TTN: variants seen among roughly 807,000 people sequenced by gnomAD.
The protein encoded by TTN is titin, also known as connectin.
In TTN, 1,525 loss-of-function variants were observed where a neutral mutation model predicts 3,223.0. The observed-to-expected ratio is 0.47, with a 90% CI of 0.45 to 0.49. TTN has a LOEUF of 0.49. TTN is among the 20% of genes least tolerant of loss of function. TTN has a pLI of 0.00. For synonymous variants in TTN, 14,094 were observed against 15,161.0 expected (o/e 0.93, Z 5.17); for missense variants, 40,786 against 43,424.0 (o/e 0.94, Z 5.40).
In TTN at chr2:178,573,640, T is replaced by C. The variant is rs1265932438; in HGVS notation, c.72492A>G (p.Glu24164=). The change falls in exon 326 of 363, where the codon GAA becomes GAG. Residue 24164 remains glutamate (E), a synonymous_variant. Transcript: ENST00000589042. ...CATTTGTCCATGCCAATCTGCTGGT[T>C]TCACGTTTCTGTACTATGTAATGAT... The part of the protein sequence containing the change: ...KIDHYIVQKR[E]TSRLAWTNVA... 1 of 1,502,106 alleles carries C rather than the reference T, an allele frequency of 6.7e-7. No individual in the cohort carries two copies. Among genetic ancestry groups the C allele is most frequent in the African/African-American group, 1.4e-5 (1 of 71,580 alleles). 93.0% of individuals were successfully genotyped at this position (1,502,106 alleles called of 1,614,324 possible).
At chr2:178,686,713 T>G (rs911261291) in intron 127 of TTN, among the ~76,000 whole-genome samples, 1 of 152,138 alleles carries the variant, frequency 6.6e-6, no homozygotes, top group African/African-American at 2.4e-5. Flanking sequence ...CCATGCCTGG[T>G]CAAAGTTAAA....
chr2:178,664,886 A>G lies in TTN; in HGVS notation c.36084T>C (p.Val12028=). ...APQEIIPAKT[V]PSKKREPPSV... is the part of the protein sequence containing the mutation. ...ATGGGGGTTCTCTTTTTTTGGAAGG[A>G]ACTGTCTTGGCAGGAATAATTTCTT... Residue 12028 remains valine, a synonymous_variant, in exon 166 of 363, where the codon GTT becomes GTC. Transcript: ENST00000589042. 6.2e-7 allele frequency: 1 copy of G among 1,611,164 alleles called. No individual in the cohort carries two copies. Among genetic ancestry groups the G allele is most frequent in the Non-Finnish European group, 8.5e-7 (1 of 1,179,410 alleles).
chr2:178,580,212 C>T lies in TTN; in HGVS notation c.67075G>A (p.Val22359Ile), dbSNP rs2303838. The change falls in exon 318 of 363, where the codon GTC (valine) becomes ATC (isoleucine). Residue 22359 changes from valine to isoleucine, a missense_variant. Val to Ile is a conservative substitution (Grantham distance 29, BLOSUM62 3). Coordinates refer to ENST00000589042, the MANE Select transcript of TTN (RefSeq NM_001267550.2). Reference protein sequence around the residue: ...VKVLDTPGPPVNVTVKEISKD... With the variant: ...VKVLDTPGPPINVTVKEISKD... ...GATATTTCCTTAACAGTCACATTGA[C>T]AGGTGGCCCAGGAGTATCTGGATAA... is the stretch of plus-strand genomic sequence containing the variant. 326,033 of 1,612,158 alleles carry T rather than the reference C, an allele frequency of 0.2. 39,664 individuals are homozygous for T. Among genetic ancestry groups the T allele is most frequent in the East Asian group, 0.61 (27,413 of 44,644 alleles).
In TTN at chr2:178,583,115, A is replaced by T; in HGVS notation, c.65688T>A (p.Ser21896=). ...TTAGCAGTGTGCCATCTTTTTTCCAAGAAACTGTTGGCATCGGTTTACCAA... is the reference window on the plus strand; with the variant it reads ...TTAGCAGTGTGCCATCTTTTTTCCATGAAACTGTTGGCATCGGTTTACCAA... The part of the protein sequence containing the change: ...TVFGKPMPTV[S]WKKDGTLLKP... Residue 21896 remains serine (S), a synonymous_variant, in exon 313 of 363, where the codon TCT becomes TCA. Coordinates refer to ENST00000589042, the MANE Select transcript of TTN (RefSeq NM_001267550.2). 1 of 1,611,906 alleles carries T rather than the reference A, an allele frequency of 6.2e-7. No homozygotes were observed. Among genetic ancestry groups the T allele is most frequent in the Admixed American group, 1.7e-5 (1 of 59,840 alleles).
chr2:178,794,620 C>A, intron 7 of TTN, 69 bp from the exon 8 acceptor site: 1 of 1,604,416 alleles, frequency 6.2e-7, no homozygotes, highest in Non-Finnish European at 8.5e-7. Flanking sequence ...AAAAAGCATA[C>A]TGGAAAACTG....
At chr2:178,751,178 A>G in intron 47 of TTN, 1 of 1,611,478 alleles carries the variant, frequency 6.2e-7, no homozygotes, top group Non-Finnish European at 8.5e-7. Context: ...AGAGAACAGA[A>G]TATCTTTATC....
intron 37 of TTN, 54 bp from the exon 38 acceptor site, chr2:178,768,987 G>A: frequency 3.1e-6 from 5 of 1,598,970 alleles, no homozygotes; most frequent in Non-Finnish European, 4.3e-6. Context: ...AATATGATGT[G>A]GGTTATAACA....
At position 178,550,103 on chromosome 2, in the gene TTN, G is replaced by A; in HGVS notation, c.91735C>T (p.Leu30579Phe). The part of the protein sequence containing the change: ...KRMNMEITDV[L>F]GSTSLFVRDA... ...CTAACAAATAGGCTGGTGGATCCAA[G>A]TACGTCGGTTATTTCCATATTCATC... Residue 30579 changes from leucine to phenylalanine, a missense_variant, in exon 337 of 363, where the codon CTT (leucine) becomes TTT (phenylalanine). Coordinates refer to ENST00000589042, the MANE Select transcript of TTN (RefSeq NM_001267550.2). The A allele has an allele frequency of 6.2e-7, 1 of 1,613,824 alleles. No individual in the cohort carries two copies. The highest frequency in any genetic ancestry group is 8.5e-7 in the Non-Finnish European group (1 of 1,179,780).
rs754476903 is a variant in TTN at position 178,724,140 on chromosome 2, C to T, written c.21119G>A (p.Arg7040Gln). 24 of 1,609,338 alleles carry T rather than the reference C, an allele frequency of 1.5e-5. No individual in the cohort carries two copies. Among genetic ancestry groups the T allele is most frequent in the Admixed American group, 5.0e-5 (3 of 59,758 alleles). ...SCTAVVDVSDRAVPPSFTRRL... is the reference protein window; with the variant it reads ...SCTAVVDVSDQAVPPSFTRRL... ...TCGTGTGAAAGAGGGAGGAACTGCT[C>T]GGTCTGTGTGAGGAAAGGTAAGAGA... Residue 7040 changes from arginine to glutamine, a missense_variant, in exon 73 of 363, where the codon CGA (arginine) becomes CAA (glutamine). Physicochemically the swap from Arg to Gln is conservative, Grantham distance 43. Transcript: ENST00000589042.
intron 151 of TTN, 29 bp from the exon 152 acceptor site, chr2:178,673,739 A>T: frequency 2.6e-6 from 4 of 1,556,366 alleles, no homozygotes; most frequent in Non-Finnish European, 3.5e-6. Flanking sequence ...AACATTTTGA[A>T]AAGTGGCATG....
Position 178,651,876 on chromosome 2 carries a change from C to T in TTN, c.39379+8G>A, listed in dbSNP as rs1272590741. 4 of 1,605,042 alleles carry T rather than the reference C, an allele frequency of 2.5e-6. No individual in the cohort carries two copies. The highest frequency in any genetic ancestry group is 1.7e-4 in the Middle Eastern group (1 of 6,012). On this transcript the variant is annotated splice_region_variant and intron_variant, in intron 205 of 362. Coordinates refer to ENST00000589042, the MANE Select transcript of TTN (RefSeq NM_001267550.2). ...CCGAGGTGTCCTAGCAGCTTTCTTG[C>T]CATGTACCTTGTGGAGGCGCCGCTG...
In TTN at chr2:178,539,853, A is replaced by G; in HGVS notation, c.98212T>C (p.Trp32738Arg). 6.2e-7 allele frequency: 1 copy of G among 1,613,754 alleles called. No homozygotes were observed. The highest frequency in any genetic ancestry group is 8.5e-7 in the Non-Finnish European group (1 of 1,179,776). Residue 32738 changes from tryptophan (W) to arginine (R), a missense_variant, in exon 352 of 363, where the codon TGG (tryptophan) becomes CGG (arginine). By Grantham distance (101) the Trp-to-Arg change is moderately radical. Transcript: ENST00000589042. ...CTAATATCCTGGCCTTCCTTGGTCC[A>G]TTTACATATTGGGAATGGTTTTCCT... ...IKGKPFPICK[W>R]TKEGQDISKR...
In TTN at chr2:178,621,261, T is replaced by C. The variant is rs2154211745; in HGVS notation, c.45457A>G (p.Lys15153Glu). 6.2e-7 allele frequency: 1 copy of C among 1,612,274 alleles called. No homozygotes were observed. The highest frequency in any genetic ancestry group is 1.3e-5 in the African/African-American group (1 of 74,912). Residue 15153 changes from lysine (K) to glutamate (E), a missense_variant, in exon 246 of 363, where the codon AAG (lysine) becomes GAG (glutamate). Physicochemically the swap from Lys to Glu is moderately conservative, Grantham distance 56. Coordinates refer to ENST00000589042, the MANE Select transcript of TTN (RefSeq NM_001267550.2). ...ISKESFPVQW[K>E]RDDKTLESGD... is the part of the protein sequence containing the mutation. ...GATTCAAGTGTCTTATCATCCCTCT[T>C]CCACTGGACTGGAAAGCTTTCTTTT... is the stretch of plus-strand genomic sequence containing the variant.
At position 178,698,932 on chromosome 2, in the gene TTN, G is replaced by GAAAAAAAAAAA; in HGVS notation, c.30683-19_30683-18insTTTTTTTTTTT. 9.0e-7 allele frequency: 1 copy of GAAAAAAAAAAA among 1,114,522 alleles called. No individual in the cohort carries two copies. Among genetic ancestry groups the GAAAAAAAAAAA allele is most frequent in the Non-Finnish European group, 1.2e-6 (1 of 831,894 alleles). 69.0% of individuals were successfully genotyped at this position (1,114,522 alleles called of 1,614,324 possible). On this transcript the variant is annotated intron_variant, in intron 111 of 362. Transcript: ENST00000589042. Reference sequence around the variant, plus strand: ...TTTGGTAACTAAAAAAAAAAAAAAAGAAAAAAAAAGAAAAAATATTTCTGG... The same window carrying GAAAAAAAAAAA: ...TTTGGTAACTAAAAAAAAAAAAAAAGAAAAAAAAAAAAAAAAAAAAGAAAAAATATTTCTGG...
intron 111 of TTN, among the ~76,000 whole-genome samples, chr2:178,700,594 G>A (rs910900307): frequency 2.6e-5 from 4 of 152,138 alleles, no homozygotes; most frequent in African/African-American, 9.7e-5. Context: ...CAATTCCTTG[G>A]AACACTTAAG....
In TTN at chr2:178,546,268, A is replaced by G. The variant is rs794729538; in HGVS notation, c.95063T>C (p.Leu31688Ser). 2 of 1,613,798 alleles carry G rather than the reference A, an allele frequency of 1.2e-6. No individual in the cohort carries two copies. Among genetic ancestry groups the G allele is most frequent in the Non-Finnish European group, 1.7e-6 (2 of 1,179,736 alleles). Residue 31688 changes from leucine (L) to serine (S), a missense_variant, in exon 342 of 363, where the codon TTA becomes TCA. Coordinates refer to ENST00000589042, the MANE Select transcript of TTN (RefSeq NM_001267550.2). ...GGTCCCGCTGGCATTTTTCACTGTT[A>G]AAGTGTATTTTCCACTGTCACTTCT... ...CDRSDSGKYT[L>S]TVKNASGTKA... is the part of the protein sequence containing the mutation.
In TTN at chr2:178,574,461, G is replaced by A; in HGVS notation, c.71671C>T (p.Leu23891Phe). Residue 23891 changes from leucine (L) to phenylalanine (F), a missense_variant, in exon 326 of 363, where the codon CTT becomes TTT. Leu to Phe is a conservative substitution (Grantham distance 22). Coordinates refer to ENST00000589042, the MANE Select transcript of TTN (RefSeq NM_001267550.2). ...AACTCATAAGCAATACCATCTGTAA[G>A]TCCACTTGATTTGAAAATGTTGCCT... ...VPGNIFKSSG[L>F]TDGIAYEFRV... is the part of the protein sequence containing the mutation. 1.2e-6 allele frequency: 2 copies of A among 1,613,646 alleles called. No individual in the cohort carries two copies. Among genetic ancestry groups the A allele is most frequent in the Non-Finnish European group, 1.7e-6 (2 of 1,179,640 alleles).
chr2:178,749,000 T>A, intron 47 of TTN: 1 of 1,612,462 alleles, frequency 6.2e-7, no homozygotes, highest in South Asian at 1.1e-5. Flanking sequence ...TTTTTCTACA[T>A]GTAATTTTTC....
rs757869762 is a variant in TTN, at chr2:178,696,078, G to C, written c.30994C>G (p.Pro10332Ala). ...TCTTCATAATAAGGTTGTTCAAATG[G>C]CTCTGTGTATGGTTCTACCTCCAGT... Reference protein sequence around the residue: ...DELEVEPYTEPFEQPYYEEPD... With the variant: ...DELEVEPYTEAFEQPYYEEPD... The change falls in exon 114 of 363, where the codon CCA becomes GCA. Residue 10332 changes from proline (P) to alanine (A), a missense_variant. Physicochemically the swap from Pro to Ala is conservative, Grantham distance 27. Transcript: ENST00000589042. 167 of 1,550,838 alleles carry C rather than the reference G, an allele frequency of 1.1e-4. 1 individual carries two copies. The South Asian group carries it at 1.9e-3, about 18-fold the overall frequency.
Sources: allele counts gnomAD v4.1 joint callset (sites outside exome capture counted in the v4.1 genomes callset), GRCh38; gene constraint gnomAD v4.1.1; transcripts MANE v1.5; gene names NCBI Gene and HGNC (gene_info 2026-07-23, HGNC 2026-07-21).